The following SASH1 variants were observed in gnomAD, a reference collection of about 807,000 sequenced individuals.
The protein encoded by SASH1 is SAM and SH3 domain containing 1.
Under a neutral mutation model 125.2 loss-of-function variants are expected in SASH1, and 44 were observed. The ratio of observed to expected loss-of-function variants is 0.35; its 90% confidence interval spans 0.28 to 0.45. The LOEUF (loss-of-function observed/expected upper bound fraction) is 0.45. SASH1 is among the 20% of genes least tolerant of loss of function. The pLI is 1.00. For missense variants in SASH1, 1,426 were observed against 1,614.5 expected (o/e 0.88, Z 2.00); for synonymous variants, 639 against 649.1 (o/e 0.98, Z 0.24).
chr6:148,543,113 G>T (rs1306056477), intron 17 of SASH1, among the ~76,000 whole-genome samples: 1 of 152,120 alleles, frequency 6.6e-6, no homozygotes, highest in Non-Finnish European at 1.5e-5. Flanking sequence ...GATTTTCTTT[G>T]GCAAAGTACT....
chr6:148,214,348 G>A, the SASH1 span, among the ~76,000 whole-genome samples: 2 of 152,308 alleles, frequency 1.3e-5, no homozygotes, highest in East Asian at 1.9e-4. Flanking sequence ...ACATGCAGTT[G>A]AGTGAAAATG....
the SASH1 span, among the ~76,000 whole-genome samples, chr6:148,261,087 G>A: frequency 6.6e-6 from 1 of 152,150 alleles, no homozygotes; most frequent in Non-Finnish European, 1.5e-5. Context: ...TTACAGGCGT[G>A]AGCCACTGCG....
the SASH1 span, among the ~76,000 whole-genome samples, chr6:148,206,926 G>A: frequency 2.0e-5 from 3 of 152,010 alleles, no homozygotes; most frequent in Non-Finnish European, 4.4e-5. Flanking sequence ...TTGTCCTCTA[G>A]TGTTCCCTGT....
At chr6:148,427,958 T>A (rs1583142182) in intron 2 of SASH1, among the ~76,000 whole-genome samples, 1 of 152,330 alleles carries the variant, frequency 6.6e-6, no homozygotes, top group African/African-American at 2.4e-5. Flanking sequence ...TCTTCAGGAA[T>A]TTTCCATGTG....
chr6:148,240,782 C>A, the SASH1 span, among the ~76,000 whole-genome samples: 1 of 152,116 alleles, frequency 6.6e-6, no homozygotes, highest in Non-Finnish European at 1.5e-5. Flanking sequence ...GCATTATTGT[C>A]ATTTGATCTG....
Position 148,540,453 on chromosome 6 carries a change from C to A in SASH1, c.2106C>A (p.Asp702Glu), listed in dbSNP as rs764591026. 1.2e-5 allele frequency: 20 copies of A among 1,613,684 alleles called. No homozygotes were observed. In the Admixed American group the frequency reaches 2.5e-4, roughly 20 times the overall value. The change falls in exon 17 of 20, where the codon GAC becomes GAA. Residue 702 changes from aspartate (D) to glutamate (E), a missense_variant. Transcript: ENST00000367467. Reference sequence around the variant, plus strand: ...TGTTCTCTCCTCTAGGTAACAGCGACCAGTCAGGATCCCAGGAGAAGCTGC... The same window carrying A: ...TGTTCTCTCCTCTAGGTAACAGCGAACAGTCAGGATCCCAGGAGAAGCTGC... ...ELLQEYDSNS[D>E]QSGSQEKLLV...
At chr6:148,381,611 T>G (rs1583055001) in intron 1 of SASH1, among the ~76,000 whole-genome samples, 3 of 134,654 alleles carry the variant, frequency 2.2e-5, no homozygotes. Flanking sequence ...GTGCCTTTCT[T>G]GCTTTCTTTT....
intron 2 of SASH1, among the ~76,000 whole-genome samples, chr6:148,417,123 T>A (rs1033474067): frequency 9.2e-5 from 14 of 152,156 alleles, no homozygotes; most frequent in Non-Finnish European, 1.0e-4. Flanking sequence ...AGACGAGGGT[T>A]ATTGTGCAGT....
intron 11 of SASH1, 96 bp from the exon 12 acceptor site, chr6:148,527,357 C>A: frequency 9.1e-7 from 1 of 1,093,022 alleles, no homozygotes; most frequent in Non-Finnish European, 1.3e-6. Flanking sequence ...TGAGGAATGT[C>A]AATATTTCTG....
chr6:148,203,438 T>C, the SASH1 span, among the ~76,000 whole-genome samples: 1 of 152,134 alleles, frequency 6.6e-6, no homozygotes, highest in African/African-American at 2.4e-5. Context: ...TGACTACAAA[T>C]AAGGAAAGGA....
At position 148,347,564 on chromosome 6, in the gene SASH1, C is replaced by T. The variant is rs4279457; in HGVS notation, c.156+4341C>T. 6.6e-5 allele frequency among the ~76,000 whole-genome samples: 10 copies of T among 152,178 alleles called. No individual in the cohort carries two copies. In the East Asian group the frequency reaches 1.7e-3, roughly 26 times the overall value. ...TTGTTGTTTTAGGCCCAGTGTGGGG[C>T]GGGGAGATGTTAGTGAGATCCTGAG... On this transcript the variant is annotated intron_variant, in intron 1 of 19. Coordinates refer to ENST00000367467, the MANE Select transcript of SASH1 (RefSeq NM_015278.5).
In SASH1 at chr6:148,533,532, G is replaced by A. The variant is rs1562491236; in HGVS notation, c.1735-239G>A. ...ACCCCTGGTTCTGCAGGGCAGGAGG[G>A]TGGAGGGGCTGTGACCGGGGGCCTG... On this transcript the variant is annotated intron_variant, in intron 14 of 19. Coordinates refer to ENST00000367467, the MANE Select transcript of SASH1 (RefSeq NM_015278.5). The surrounding 1 kb of genome is among the most constrained non-coding windows in gnomAD (Gnocchi z 6.2). Among the ~76,000 whole-genome samples the A allele has an allele frequency of 1.3e-5, 2 of 152,156 alleles. No individual in the cohort carries two copies. Among genetic ancestry groups the A allele is most frequent in the Non-Finnish European group, 1.5e-5 (1 of 68,006 alleles).
chr6:148,287,457 C>G (rs1779510109), intron 1 of SASH1, among the ~76,000 whole-genome samples: 2 of 152,254 alleles, frequency 1.3e-5, no homozygotes, highest in Admixed American at 6.5e-5. Flanking sequence ...TGGTCACACC[C>G]CCTGCCACCA....
chr6:148,514,311 G>A lies in SASH1; in HGVS notation c.730-13G>A, dbSNP rs1780313354. On this transcript the variant is annotated splice_polypyrimidine_tract_variant and intron_variant, in intron 8 of 19. Transcript: ENST00000367467. ...AATTACCTGATTAACTTTTTCCTTT[G>A]TTTCTTTGCCAGTCAAGAGAACAAT... The A allele has an allele frequency of 6.3e-7, 1 of 1,595,304 alleles. No individual in the cohort carries two copies. Among genetic ancestry groups the A allele is most frequent in the Middle Eastern group, 1.7e-4 (1 of 5,948 alleles).
At chr6:148,337,403 T>G (rs1283366180) in intron 1 of SASH1, among the ~76,000 whole-genome samples, 1 of 152,056 alleles carries the variant, frequency 6.6e-6, no homozygotes, top group African/African-American at 2.4e-5. Flanking sequence ...TTTTTGTATT[T>G]TTAGTAGAGA....
the SASH1 span, among the ~76,000 whole-genome samples, chr6:148,203,722 T>C: frequency 6.6e-6 from 1 of 152,204 alleles, no homozygotes. Flanking sequence ...ATGAGTTTTC[T>C]TGAAGTAAAA....
chr6:148,343,249 G>T lies in SASH1; in HGVS notation c.156+26G>T, dbSNP rs764451257. ...GTAAGTTACCTGGGGAGGGGGCGGC[G>T]CAGGAAGTACAGTTCGCAGCAGCCC... On this transcript the variant is annotated intron_variant, in intron 1 of 19. Coordinates refer to ENST00000367467, the MANE Select transcript of SASH1 (RefSeq NM_015278.5). 2.5e-6 allele frequency: 4 copies of T among 1,572,740 alleles called. No individual in the cohort carries two copies. In the African/African-American group the frequency reaches 4.1e-5, roughly 16 times the overall value.
intron 1 of SASH1, among the ~76,000 whole-genome samples, chr6:148,289,307 G>A (rs34765484): frequency 3.1e-4 from 47 of 152,288 alleles, no homozygotes; most frequent in Non-Finnish European, 5.7e-4. Context: ...GTTGACTCAG[G>A]GCAGGGCGAA....
the SASH1 span, among the ~76,000 whole-genome samples, chr6:148,255,346 G>C: frequency 1.3e-5 from 2 of 152,066 alleles, no homozygotes; most frequent in Admixed American, 6.6e-5. Flanking sequence ...CATTCCTCGG[G>C]TCTCTTCCTC....
Sources: gnomAD v4.1 joint callset for allele counts (sites outside exome capture counted in the v4.1 genomes callset) on GRCh38, gnomAD v4.1.1 for gene constraint, Gnocchi (gnomAD v3.1) non-coding constraint, MANE v1.5 for transcripts, NCBI Gene and HGNC (gene_info 2026-07-23, HGNC 2026-07-21) for gene names.